The following DMD variants were observed in gnomAD, a reference collection of about 807,000 sequenced individuals.
The protein encoded by DMD is dystrophin.
Under a neutral mutation model 330.1 loss-of-function variants are expected in DMD, and 63 were observed. That is an observed-to-expected ratio of 0.19 (90% confidence interval 0.16 to 0.24). DMD has a LOEUF of 0.24. Among genes scored for constraint, DMD ranks in the 10% least tolerant of loss-of-function variants. The pLI, the probability that DMD is intolerant of heterozygous loss-of-function variation, is 1.00. For missense variants in DMD, 3,344 were observed against 2,684.1 expected, an observed-to-expected ratio of 1.25 and a Z score of -5.43; for synonymous variants, 1,223 against 959.8, an observed-to-expected ratio of 1.27 and a Z score of -5.07.
Position 33,279,449 on chromosome X carries a change from G to GT in DMD, c.7+59809dup, listed in dbSNP as rs200332838. ...TTCCATGGTATGCATGTACCACAGGGTTTTTTTTTTTTTAAGCAATTACAT... is the reference window on the plus strand; with the variant it reads ...TTCCATGGTATGCATGTACCACAGGGTTTTTTTTTTTTTTAAGCAATTACAT... On this transcript the variant is annotated intron_variant, in intron 1 of 17. Transcript: ENST00000288447. Among the ~76,000 whole-genome samples, 589 of 105,872 alleles carry GT rather than the reference G, an allele frequency of 5.6e-3. 2 individuals carry two copies. Among genetic ancestry groups the GT allele is most frequent in the African/African-American group, 0.019 (567 of 29,224 alleles). The allele number at this position is 105,872 out of a possible 115,157, so 91.9% of individuals were successfully genotyped here.
intron 1 of DMD, among the ~76,000 whole-genome samples, chrX:33,134,435 G>A (rs936724115): frequency 8.9e-6 from 1 of 111,949 alleles, no homozygotes; most frequent in East Asian, 2.8e-4. Context: ...AAAAAAGTTC[G>A]CAGACATACT....
At chrX:32,173,572 C>T (rs1311803210) in intron 44 of DMD, among the ~76,000 whole-genome samples, 5 of 110,309 alleles carry the variant, frequency 4.5e-5, no homozygotes, top group Non-Finnish European at 5.7e-5. Flanking sequence ...GGAGTTTCAC[C>T]GTGTTAGCCA....
At chrX:31,367,827 C>G (rs937441379) in intron 60 of DMD, among the ~76,000 whole-genome samples, 1 of 111,737 alleles carries the variant, frequency 8.9e-6, no homozygotes, top group African/African-American at 3.3e-5. Context: ...GTTCTCCATA[C>G]TCCTCCAATG....
chrX:31,417,591 T>C (rs1230470998), intron 60 of DMD, among the ~76,000 whole-genome samples: 1 of 112,180 alleles, frequency 8.9e-6, no homozygotes, highest in Non-Finnish European at 1.9e-5. Context: ...GGATGTTTTC[T>C]ATATCTTAAG....
intron 62 of DMD, among the ~76,000 whole-genome samples, chrX:31,300,332 G>A (rs1314736853): frequency 8.9e-6 from 1 of 112,238 alleles, no homozygotes; most frequent in Non-Finnish European, 1.9e-5. Flanking sequence ...ATGATGAAGG[G>A]AGATGATACC....
At chrX:32,918,013 C>G (rs776186931) in intron 2 of DMD, among the ~76,000 whole-genome samples, 1 of 109,747 alleles carries the variant, frequency 9.1e-6, no homozygotes, top group East Asian at 3.0e-4. Flanking sequence ...AAAGGGTTCA[C>G]TTCCAGATCA....
At chrX:32,171,151 ATATTT>A (rs1483872111) in intron 44 of DMD, among the ~76,000 whole-genome samples, 2 of 111,550 alleles carry the variant, frequency 1.8e-5, no homozygotes, top group African/African-American at 6.5e-5. Context: ...AAATTAATAC[ATATTT>A]TATTTTGTCC....
At chrX:33,002,748 T>A (rs1324367916) in intron 2 of DMD, among the ~76,000 whole-genome samples, 1 of 104,554 alleles carries the variant, frequency 9.6e-6, no homozygotes, top group Non-Finnish European at 1.9e-5. Flanking sequence ...AAGTTAGGGT[T>A]TTGCCTTCAG....
At chrX:31,223,695 C>A (rs757979222) in intron 63 of DMD, among the ~76,000 whole-genome samples, 2 of 111,781 alleles carry the variant, frequency 1.8e-5, no homozygotes, top group African/African-American at 3.3e-5. Context: ...GTAATCCCAA[C>A]GCTTTGAGAG....
At chrX:32,440,972 G>A (rs186701076) in intron 28 of DMD, among the ~76,000 whole-genome samples, 52 of 111,140 alleles carry the variant, frequency 4.7e-4, no homozygotes, top group Admixed American at 1.2e-3. Context: ...TTTCCTCTGT[G>A]AGAAGCCATT....
intron 2 of DMD, among the ~76,000 whole-genome samples, chrX:33,005,527 C>A (rs1030707134): frequency 9.3e-6 from 1 of 107,383 alleles, no homozygotes. Flanking sequence ...ATGAGCAATG[C>A]AAGCAGAAGA....
intron 11 of DMD, among the ~76,000 whole-genome samples, chrX:32,628,865 G>A (rs780888970): frequency 8.9e-6 from 1 of 111,747 alleles, no homozygotes; most frequent in Admixed American, 9.5e-5. Flanking sequence ...ATATTCAGTT[G>A]TGATCAGAAA....
At chrX:31,281,576 TG>T (rs1024708539) in intron 62 of DMD, among the ~76,000 whole-genome samples, 2 of 72,192 alleles carry the variant, frequency 2.8e-5, no homozygotes, top group African/African-American at 3.2e-4. Context: ...GTTAAAAAAA[TG>T]TTTTCTAATC....
At chrX:32,847,785 AT>A (rs761160997) in intron 3 of DMD, among the ~76,000 whole-genome samples, 1 of 111,624 alleles carries the variant, frequency 9.0e-6, no homozygotes, top group Non-Finnish European at 1.9e-5. Context: ...TTTGTTTGAT[AT>A]TTTTTTCTTT....
chrX:31,559,994 T>G (rs986741567), intron 55 of DMD, among the ~76,000 whole-genome samples: 11 of 112,234 alleles, frequency 9.8e-5, no homozygotes, highest in African/African-American at 3.2e-4. Context: ...CTAGTCATTC[T>G]TCTCCTTTGT....
At chrX:31,877,694 T>TGTGC (rs1263060407) in intron 47 of DMD, among the ~76,000 whole-genome samples, 6 of 110,645 alleles carry the variant, frequency 5.4e-5, no homozygotes, top group South Asian at 3.8e-4. Context: ...TGTGTGTGTG[T>TGTGC]GCACGCACGC....
chrX:32,840,481 A>G (rs766942984), intron 4 of DMD, among the ~76,000 whole-genome samples: 25 of 111,619 alleles, frequency 2.2e-4, no homozygotes, highest in South Asian at 3.8e-4. Flanking sequence ...AAAAATATAC[A>G]TAAGTGTACA....
chrX:31,776,526 G>A (rs2090668501), intron 50 of DMD, among the ~76,000 whole-genome samples: 1 of 99,291 alleles, frequency 1.0e-5, no homozygotes, highest in Non-Finnish European at 2.0e-5. Flanking sequence ...TCAACAAGCA[G>A]ACCACTGTTT....
chrX:32,370,463 G>C (rs1465517375), intron 34 of DMD, among the ~76,000 whole-genome samples: 1 of 111,114 alleles, frequency 9.0e-6, no homozygotes, highest in Non-Finnish European at 1.9e-5. Flanking sequence ...AATGTGTATT[G>C]ACTTTTTAAT....
Sources: gnomAD v4.1 joint callset for allele counts (sites outside exome capture counted in the v4.1 genomes callset) on GRCh38, gnomAD v4.1.1 for gene constraint, MANE v1.5 for transcripts, NCBI Gene and HGNC (gene_info 2026-07-23, HGNC 2026-07-21) for gene names.